Variants in SANBR observed in about 807,000 individuals in gnomAD.
SANBR encodes SANT and BTB domain regulator of CSR.
A neutral mutation model predicts 101.8 loss-of-function variants in SANBR; 77 were observed. The observed-to-expected ratio is 0.76, with a 90% CI of 0.63 to 0.91. The LOEUF is 0.91. SANBR is among the 40% of genes least tolerant of loss of function. SANBR has a pLI of 0.00. For missense variants in SANBR, 875 were observed against 853.0 expected (o/e 1.03, Z -0.32); for synonymous variants, 279 against 274.7 (o/e 1.02, Z -0.15).
intron 13 of SANBR, among the ~76,000 whole-genome samples, chr2:61,104,895 C>A (rs1683480820): frequency 6.7e-6 from 1 of 148,654 alleles, no homozygotes; most frequent in African/African-American, 2.5e-5. Context: ...ATGGTGAAAC[C>A]CCATGATCAT....
intron 20 of SANBR, among the ~76,000 whole-genome samples, chr2:61,120,380 A>G (rs780181415): frequency 2.0e-5 from 3 of 152,096 alleles, no homozygotes; most frequent in Non-Finnish European, 4.4e-5. Context: ...CAGGCCTGTA[A>G]TCCCATCTAC....
intron 10 of SANBR, chr2:61,088,992 C>T: frequency 1.1e-6 from 1 of 897,368 alleles, no homozygotes; most frequent in Middle Eastern, 5.8e-4. Flanking sequence ...TAATGTTTTA[C>T]ACATTAAAAT....
chr2:61,104,927 C>T (rs1683482464), intron 13 of SANBR, among the ~76,000 whole-genome samples: 1 of 149,126 alleles, frequency 6.7e-6, no homozygotes, highest in South Asian at 2.1e-4. Context: ...TTGATTGTAT[C>T]AATCAATGCA....
At position 61,129,891 on chromosome 2, in the gene SANBR, G is replaced by A. The variant is rs1049955902; in HGVS notation, c.2029-4246G>A. On this transcript the variant is annotated intron_variant, in intron 20 of 21. Coordinates refer to the SANBR transcript ENST00000295031. ...ATTTTTTCTCCATTTTCTTCCCTCA[G>A]CTTTTTAAAAAAGTATAAAAGTAAA... Among the ~76,000 whole-genome samples, 6 of 151,648 alleles carry A rather than the reference G, an allele frequency of 4.0e-5. No homozygotes were observed. In the East Asian group the frequency reaches 1.2e-3, roughly 29 times the overall value.
rs760629735 is a variant in SANBR at position 61,121,248 on chromosome 2, C to T, written c.2092C>T (p.Arg698Cys). The T allele has an allele frequency of 2.6e-5, 41 of 1,550,752 alleles. No individual in the cohort carries two copies. The highest frequency in any genetic ancestry group is 2.1e-5 in the Non-Finnish European group (24 of 1,146,448). Residue 698 changes from arginine to cysteine, a missense_variant, in exon 21 of 22, where the codon CGC (arginine) becomes TGC (cysteine). Physicochemically the swap from Arg to Cys is radical, Grantham distance 180 (BLOSUM62 -3). Transcript: ENST00000402291. ...CAAGGCCTCAGTGCCAGTTAGTGCA[C>T]GCCAAAGCAGCTCAGAGAAAAACAC... The part of the protein sequence containing the change: ...QIKASVPVSA[R>C]QSSSEKNTRS...
In SANBR at chr2:61,072,821, C is replaced by CTTTTTTTTTTTTT. The variant is rs70959893; in HGVS notation, c.338-620_338-608dup. Among the ~76,000 whole-genome samples the CTTTTTTTTTTTTT allele has an allele frequency of 1.7e-3, 55 of 31,662 alleles. 9 individuals are homozygous for CTTTTTTTTTTTTT. Among genetic ancestry groups the CTTTTTTTTTTTTT allele is most frequent in the East Asian group, 3.6e-3 (2 of 556 alleles). The allele number at this position is 31,662 out of a possible 152,430, so 20.8% of individuals were successfully genotyped here. On this transcript the variant is annotated intron_variant, in intron 4 of 21. Coordinates refer to ENST00000402291, the MANE Select transcript of SANBR (RefSeq NM_001129993.3). ...AGACTCTTGCTTGTCTCTCATGTTA[C>CTTTTTTTTTTTTT]TTTTTTTTTTTTTTTTTTTTTTTTT...
chr2:61,096,569 A>G lies in SANBR; in HGVS notation c.1213-1131A>G, dbSNP rs76415349. On this transcript the variant is annotated intron_variant, in intron 11 of 21. Coordinates refer to ENST00000402291, the MANE Select transcript of SANBR (RefSeq NM_001129993.3). Reference sequence around the variant, plus strand: ...AAACTCCTTAGACAGTGCTTGCACCATGTTCTTTTTTTCTTTTTCTTTTTT... The same window carrying G: ...AAACTCCTTAGACAGTGCTTGCACCGTGTTCTTTTTTTCTTTTTCTTTTTT... 2.8e-3 allele frequency among the ~76,000 whole-genome samples: 423 copies of G among 152,136 alleles called. 2 individuals are homozygous for G. Among genetic ancestry groups the G allele is most frequent in the African/African-American group, 8.6e-3 (357 of 41,500 alleles).
intron 8 of SANBR, among the ~76,000 whole-genome samples, chr2:61,084,603 G>A (rs1340038814): frequency 1.3e-5 from 2 of 152,122 alleles, no homozygotes; most frequent in African/African-American, 2.4e-5. Flanking sequence ...AAAGGGAAAA[G>A]TGGTATGAAA....
At chr2:61,109,374 G>A (rs1683713530) in intron 16 of SANBR, 78 bp downstream of exon 16, 2 of 775,702 alleles carry the variant, frequency 2.6e-6, no homozygotes, top group East Asian at 2.7e-5. Context: ...GCAAGGGATG[G>A]GGAATTGGTT....
At chr2:61,083,444 T>C in intron 8 of SANBR, 130 bp downstream of exon 8, 1 of 651,486 alleles carries the variant, frequency 1.5e-6, no homozygotes, top group South Asian at 2.1e-5. Context: ...TTGTTCAGGC[T>C]GGAGTGCAGT....
chr2:61,121,838 G>A (rs952293948), intron 21 of SANBR, among the ~76,000 whole-genome samples: 3 of 152,138 alleles, frequency 2.0e-5, no homozygotes, highest in African/African-American at 7.2e-5. Flanking sequence ...AACTTGCACT[G>A]AGCTGCTGTG....
At chr2:61,088,027 G>A (rs11884925) in intron 8 of SANBR, 132 bp from the exon 9 acceptor site, 7 of 522,958 alleles carry the variant, frequency 1.3e-5, no homozygotes, top group African/African-American at 1.2e-4. Context: ...CACTAAAAAT[G>A]TATTATAAAC....
At chr2:61,073,421 C>T in intron 4 of SANBR, 37 bp from the exon 5 acceptor site, 14 of 870,348 alleles carry the variant, frequency 1.6e-5, no homozygotes, top group East Asian at 6.5e-5. Flanking sequence ...TAACCCCCAC[C>T]TTTTTTTTTT....
chr2:61,094,652 T>C (rs1682939470), intron 11 of SANBR, among the ~76,000 whole-genome samples: 1 of 147,074 alleles, frequency 6.8e-6, no homozygotes, highest in Non-Finnish European at 1.5e-5. Context: ...TTTTTTTTTT[T>C]TTTTTTTTGA....
downstream of SANBR, among the ~76,000 whole-genome samples, chr2:61,127,419 A>C: frequency 6.6e-6 from 1 of 152,240 alleles, no homozygotes; most frequent in East Asian, 1.9e-4. Flanking sequence ...GCATGAGTCC[A>C]GGTGAATTCT....
At chr2:61,074,439 C>CA (rs531188946) in intron 5 of SANBR, among the ~76,000 whole-genome samples, 35 of 152,282 alleles carry the variant, frequency 2.3e-4, no homozygotes, top group African/African-American at 8.4e-4. Flanking sequence ...GACAAAGTCT[C>CA]ACGCTGTCAC....
intron 16 of SANBR, among the ~76,000 whole-genome samples, chr2:61,109,558 G>C (rs1410990433): frequency 6.6e-6 from 1 of 151,604 alleles, no homozygotes; most frequent in East Asian, 1.9e-4. Context: ...ACTCATTTCA[G>C]ATGAAATGTG....
rs941389475 is a variant in SANBR, at chr2:61,103,946, T to C, written c.1459T>C (p.Leu487=). 5.0e-6 allele frequency: 8 copies of C among 1,614,098 alleles called. No homozygotes were observed. Among genetic ancestry groups the C allele is most frequent in the Non-Finnish European group, 6.8e-6 (8 of 1,180,026 alleles). Residue 487 remains leucine (L), a synonymous_variant, in exon 13 of 22, where the codon TTG becomes CTG. Transcript: ENST00000402291. Reference sequence around the variant, plus strand: ...TCCCACTGCTAGAATGTTGGACGATTTGCACAAGTACAGAGATGTCATTGT... The same window carrying C: ...TCCCACTGCTAGAATGTTGGACGATCTGCACAAGTACAGAGATGTCATTGT... The part of the protein sequence containing the change: ...SCPTARMLDD[L]HKYRDVIVVP...
intron 8 of SANBR, among the ~76,000 whole-genome samples, chr2:61,083,818 G>A (rs574941859): frequency 1.3e-5 from 2 of 150,920 alleles, no homozygotes; most frequent in Admixed American, 6.6e-5. Context: ...GCAGTGAGCC[G>A]AGATCACGCC....
Sources: allele counts gnomAD v4.1 joint callset (sites outside exome capture counted in the v4.1 genomes callset), GRCh38; gene constraint gnomAD v4.1.1; transcripts MANE v1.5; gene names NCBI Gene and HGNC (gene_info 2026-07-23, HGNC 2026-07-21).